The following TCP11L2 variants were observed in gnomAD, a reference collection of about 807,000 sequenced individuals.
TCP11L2 encodes the protein T-complex protein 11-like protein 2.
Under a neutral mutation model 50.7 loss-of-function variants are expected in TCP11L2, and 39 were observed. The observed-to-expected ratio is 0.77, with a 90% confidence interval of 0.60 to 1.01. The LOEUF (loss-of-function observed/expected upper bound fraction) is 1.01, where lower values mean the gene tolerates loss of function less well. TCP11L2 is among the 50% of genes least tolerant of loss of function. The pLI is 0.00. For synonymous variants in TCP11L2, 192 were observed against 219.3 expected (o/e 0.88, Z 1.10); for missense variants, 612 against 614.7 (o/e 1.00, Z 0.05).
At chr12:106,333,571 T>C (rs1163939858) in intron 6 of TCP11L2, among the ~76,000 whole-genome samples, 2 of 152,186 alleles carry the variant, frequency 1.3e-5, no homozygotes, top group African/African-American at 2.4e-5. Context: ...GTATATAGAA[T>C]AGCCAAAACT....
Position 106,346,675 on chromosome 12 carries a change from TACAGAAGAC to T in TCP11L2, c.*149_*157del. The T allele has an allele frequency of 1.0e-6, 1 of 959,440 alleles. No homozygotes were observed. The highest frequency in any genetic ancestry group is 2.0e-5 in the South Asian group (1 of 51,110). 59.4% of individuals were successfully genotyped at this position (959,440 alleles called of 1,614,324 possible). A position where few individuals can be genotyped will look rare whatever the true frequency, so the allele number is the denominator to read the frequency against. ...TCTGTGTAATGGGTAATATTAGCAT[TACAGAAGAC>T]ACACACATCACATAGACCCTCAGAA... is the stretch of plus-strand genomic sequence containing the variant. On this transcript the variant is annotated 3_prime_UTR_variant, in exon 10 of 10. Transcript: ENST00000299045.
At chr12:106,346,165 A>G (rs768220628) in intron 9 of TCP11L2, 121 bp from the exon 10 acceptor site, 17 of 1,023,334 alleles carry the variant, frequency 1.7e-5, no homozygotes, top group East Asian at 2.6e-5. Context: ...GGATGGGTGC[A>G]GGGAGGGGTA....
chr12:106,318,284 CT>C (rs2035177084), intron 3 of TCP11L2, 59 bp from the exon 4 acceptor site: 1 of 1,565,152 alleles, frequency 6.4e-7, no homozygotes, highest in Admixed American at 1.8e-5. Flanking sequence ...GAGGATGTTT[CT>C]TTTATAATCA....
intron 9 of TCP11L2, among the ~76,000 whole-genome samples, chr12:106,345,382 C>T (rs947352580): frequency 4.6e-5 from 7 of 152,072 alleles, no homozygotes; most frequent in African/African-American, 1.4e-4. Context: ...TTTGACTGTC[C>T]TGGGGAAACC....
chr12:106,310,282 A>G (rs925175104), intron 1 of TCP11L2, among the ~76,000 whole-genome samples: 1 of 152,198 alleles, frequency 6.6e-6, no homozygotes, highest in Non-Finnish European at 1.5e-5. Flanking sequence ...AGGATCCTAC[A>G]TGCTTGTGCA....
At chr12:106,337,813 C>T (rs1026768277) in intron 8 of TCP11L2, among the ~76,000 whole-genome samples, 3 of 152,278 alleles carry the variant, frequency 2.0e-5, no homozygotes, top group South Asian at 2.1e-4. Flanking sequence ...GTAATATGTA[C>T]TCAATGAATG....
intron 1 of TCP11L2, among the ~76,000 whole-genome samples, chr12:106,310,296 A>G (rs747978069): frequency 2.3e-4 from 35 of 152,182 alleles, no homozygotes; most frequent in Non-Finnish European, 1.5e-5. Context: ...TTGTGCACTC[A>G]TAGGGTTGTG....
chr12:106,300,128 C>T (rs1308326809), upstream of TCP11L2, among the ~76,000 whole-genome samples: 1 of 150,658 alleles, frequency 6.6e-6, no homozygotes, highest in African/African-American at 2.4e-5. Context: ...AAATAAAATG[C>T]TAATTATTTT....
In TCP11L2 at chr12:106,335,650, C is replaced by G; in HGVS notation, c.784C>G (p.Gln262Glu). 6.2e-7 allele frequency: 1 copy of G among 1,613,978 alleles called. No homozygotes were observed. The highest frequency in any genetic ancestry group is 8.5e-7 in the Non-Finnish European group (1 of 1,179,972). Residue 262 changes from glutamine to glutamate, a missense_variant, in exon 7 of 10, where the codon CAG becomes GAG. Transcript: ENST00000299045. ...CTTTTCACTCTTAGGTGCTCTTGAT[C>G]AGACTACAGAATGGATAAAAGAATC... ...ILEETPSALDQTTEWIKESVN... is the reference protein window; with the variant it reads ...ILEETPSALDETTEWIKESVN...
At chr12:106,330,160 T>C (rs113205733) in intron 6 of TCP11L2, 1 of 985,322 alleles carries the variant, frequency 1.0e-6, no homozygotes, top group African/African-American at 1.7e-5. Context: ...GTGAATTTTG[T>C]CCTAAGGCAG....
intron 6 of TCP11L2, among the ~76,000 whole-genome samples, chr12:106,326,495 T>C (rs1013173486): frequency 1.3e-5 from 2 of 152,244 alleles, no homozygotes; most frequent in African/African-American, 2.4e-5. Flanking sequence ...GGGCCTATTA[T>C]AGCAGTAGTC....
chr12:106,315,878 A>C (rs563437088), intron 3 of TCP11L2, among the ~76,000 whole-genome samples: 30 of 152,342 alleles, frequency 2.0e-4, no homozygotes, highest in African/African-American at 6.7e-4. Flanking sequence ...TCAACCTTAC[A>C]GTACCAATTA....
Position 106,336,017 on chromosome 12 carries a change from A to T in TCP11L2, c.961-15A>T. On this transcript the variant is annotated splice_polypyrimidine_tract_variant and intron_variant, in intron 7 of 9. Coordinates refer to ENST00000299045, the MANE Select transcript of TCP11L2 (RefSeq NM_152772.3). Reference sequence around the variant, plus strand: ...GCTACCCTTTCTATTTTTATATTTTAAATAAATATGTTAGACACTTATGAC... The same window carrying T: ...GCTACCCTTTCTATTTTTATATTTTTAATAAATATGTTAGACACTTATGAC... 6.4e-7 allele frequency: 1 copy of T among 1,564,646 alleles called. No homozygotes were observed. The highest frequency in any genetic ancestry group is 8.6e-7 in the Non-Finnish European group (1 of 1,160,746).
At chr12:106,311,660 T>C (rs1454126513) in intron 2 of TCP11L2, among the ~76,000 whole-genome samples, 1 of 152,188 alleles carries the variant, frequency 6.6e-6, no homozygotes. Flanking sequence ...AAGGGTTTCA[T>C]GTTGATTTCA....
chr12:106,329,701 C>T (rs766048043), intron 6 of TCP11L2: 2 of 1,111,416 alleles, frequency 1.8e-6, no homozygotes, highest in African/African-American at 1.6e-5. Context: ...TAAATGGGCT[C>T]TTAAATGTGT....
intron 8 of TCP11L2, among the ~76,000 whole-genome samples, chr12:106,337,482 GTCTTA>G (rs1286759439): frequency 1.3e-5 from 2 of 152,158 alleles, no homozygotes; most frequent in African/African-American, 4.8e-5. Flanking sequence ...TTTGCAGTTG[GTCTTA>G]TCTTATGATT....
intron 1 of TCP11L2, 90 bp downstream of exon 1, chr12:106,303,031 C>T (rs2034480516): frequency 6.6e-6 from 1 of 152,422 alleles, no homozygotes; most frequent in South Asian, 2.1e-4. Flanking sequence ...CGAAGGCTCC[C>T]CTGCCCTATC....
intron 3 of TCP11L2, among the ~76,000 whole-genome samples, chr12:106,315,095 C>T (rs1447273930): frequency 6.6e-6 from 1 of 151,772 alleles, no homozygotes; most frequent in Non-Finnish European, 1.5e-5. Flanking sequence ...ATTAGCCGGC[C>T]ATGGTGGTGG....
rs35252097 is a variant in TCP11L2, at chr12:106,311,137, C to G, written c.62C>G (p.Ser21Cys). The part of the protein sequence containing the change: ...GEDQPSDSDS[S>C]RFSESMASLS... ...GACCAGCCAAGCGATTCTGATTCTTCCCGGTTTTCCGAAAGCATGGCTTCG... is the reference window on the plus strand; with the variant it reads ...GACCAGCCAAGCGATTCTGATTCTTGCCGGTTTTCCGAAAGCATGGCTTCG... Residue 21 changes from serine (S) to cysteine (C), a missense_variant, in exon 2 of 10, where the codon TCC (serine) becomes TGC (cysteine). By Grantham distance (112) the Ser-to-Cys change is moderately radical. Coordinates refer to ENST00000299045, the MANE Select transcript of TCP11L2 (RefSeq NM_152772.3). 60 of 1,614,076 alleles carry G rather than the reference C, an allele frequency of 3.7e-5. No homozygotes were observed. Among genetic ancestry groups the G allele is most frequent in the Non-Finnish European group, 4.9e-5 (58 of 1,180,050 alleles).
Sources: allele counts gnomAD v4.1 joint callset (sites outside exome capture counted in the v4.1 genomes callset), GRCh38; gene constraint gnomAD v4.1.1; transcripts MANE v1.5; gene names NCBI Gene and HGNC (gene_info 2026-07-23, HGNC 2026-07-21).